The following COG3 variants were observed in gnomAD, a reference collection of about 807,000 sequenced individuals.
COG3 encodes the protein conserved oligomeric Golgi complex subunit 3.
Under a neutral mutation model 114.1 loss-of-function variants are expected in COG3, and 32 were observed. The observed-to-expected ratio is 0.28, with a 90% CI of 0.21 to 0.38. The LOEUF (loss-of-function observed/expected upper bound fraction) is 0.38. COG3 is among the 10% of genes least tolerant of loss of function. COG3 has a pLI of 1.00. For synonymous variants in COG3, 352 were observed against 365.7 expected (o/e 0.96, Z 0.43); for missense variants, 813 against 973.2 (o/e 0.84, Z 2.19).
intron 14 of COG3, among the ~76,000 whole-genome samples, chr13:45,508,475 G>GGT (rs1870493559): frequency 6.7e-6 from 1 of 149,060 alleles, no homozygotes; most frequent in South Asian, 2.1e-4. Flanking sequence ...TATGTGTTGG[G>GGT]GTGTGTGTGT....
chr13:45,511,971 T>C (rs1404510906), intron 16 of COG3, 117 bp downstream of exon 16: 3 of 744,852 alleles, frequency 4.0e-6, no homozygotes, highest in African/African-American at 3.5e-5. Context: ...TTTAACATGA[T>C]TGAATTTTGA....
At position 45,476,642 on chromosome 13, in the gene COG3, T is replaced by C. The variant is rs377579922; in HGVS notation, c.321+295T>C. On this transcript the variant is annotated intron_variant, in intron 2 of 22. Transcript: ENST00000349995. ...TTGACTTCCCCCAATGTCTGTCTTC[T>C]GTTAACCTGTTCCCTCAGTGTGTGC... Among the ~76,000 whole-genome samples, 6 of 152,346 alleles carry C rather than the reference T, an allele frequency of 3.9e-5. No homozygotes were observed. In the East Asian group the frequency reaches 9.6e-4, roughly 24 times the overall value.
rs377098801 is a variant in COG3 at position 45,482,258 on chromosome 13, T to A, written c.625-123T>A. The stretch of plus-strand genomic sequence containing the variant: ...ACATTCGAGGATATTTTGGTGACTT[T>A]TAAAATTTATTATAAAGACATGTTA... On this transcript the variant is annotated intron_variant, in intron 5 of 22. Coordinates refer to ENST00000349995, the MANE Select transcript of COG3 (RefSeq NM_031431.4). 2.6e-3 allele frequency: 1,330 copies of A among 518,322 alleles called. 9 individuals are homozygous for A. The highest frequency in any genetic ancestry group is 3.9e-3 in the Middle Eastern group (8 of 2,036). 32.1% of individuals were successfully genotyped at this position (518,322 alleles called of 1,614,324 possible). A position where few individuals can be genotyped will look rare whatever the true frequency, so the allele number is the denominator to read the frequency against.
chr13:45,465,252 G>C, intron 1 of COG3, 42 bp downstream of exon 1: 1 of 1,602,728 alleles, frequency 6.2e-7, no homozygotes, highest in Non-Finnish European at 8.5e-7. Context: ...GATGGGGCTG[G>C]GATTCTCCTC....
chr13:45,496,942 G>A (rs1868866433), intron 13 of COG3, among the ~76,000 whole-genome samples: 1 of 152,134 alleles, frequency 6.6e-6, no homozygotes. Flanking sequence ...CAAGGTGCTG[G>A]GATTACTGGC....
At chr13:45,517,220 TA>T (rs1482872889) in intron 17 of COG3, among the ~76,000 whole-genome samples, 5 of 152,128 alleles carry the variant, frequency 3.3e-5, no homozygotes, top group East Asian at 1.9e-4. Context: ...TTGGGGCAAT[TA>T]AAAAAATGGT....
In COG3 at chr13:45,496,262, A is replaced by G. The variant is rs762850183; in HGVS notation, c.1438A>G (p.Lys480Glu). The change falls in exon 13 of 23, where the codon AAA becomes GAA. Residue 480 changes from lysine to glutamate, a missense_variant. Transcript: ENST00000349995. Reference protein sequence around the residue: ...IYIQTDITGYKPAPGDLAYPD... With the variant: ...IYIQTDITGYEPAPGDLAYPD... ...TATTCAGACGGACATCACGGGCTAT[A>G]AACCAGCTCCTGGAGATCTGGCATA... is the stretch of plus-strand genomic sequence containing the variant. 12 of 1,610,722 alleles carry G rather than the reference A, an allele frequency of 7.5e-6. No homozygotes were observed. The East Asian group carries it at 2.5e-4, about 33-fold the overall frequency.
At chr13:45,467,519 A>C (rs2404218) in intron 1 of COG3, among the ~76,000 whole-genome samples, 15 of 151,378 alleles carry the variant, frequency 9.9e-5, no homozygotes, top group African/African-American at 3.6e-4. Context: ...TTGAACCCAG[A>C]AGGCAGAGAT....
intron 1 of COG3, among the ~76,000 whole-genome samples, chr13:45,474,438 A>C (rs1002909140): frequency 6.6e-6 from 1 of 152,158 alleles, no homozygotes; most frequent in Non-Finnish European, 1.5e-5. Context: ...CTGGGATTAC[A>C]GGCGTGAGCC....
intron 11 of COG3, among the ~76,000 whole-genome samples, chr13:45,492,927 C>T (rs1186100675): frequency 6.6e-6 from 1 of 152,092 alleles, no homozygotes; most frequent in East Asian, 1.9e-4. Context: ...TTATCTAAAT[C>T]TATAAGTATT....
At chr13:45,502,510 G>A (rs1481677861) in intron 13 of COG3, among the ~76,000 whole-genome samples, 2 of 152,180 alleles carry the variant, frequency 1.3e-5, no homozygotes, top group Admixed American at 6.5e-5. Context: ...TGGTCTGGCT[G>A]TGACATCTGC....
Position 45,483,272 on chromosome 13 carries a change from C to A in COG3, c.760C>A (p.Gln254Lys), listed in dbSNP as rs756981353. 6.3e-7 allele frequency: 1 copy of A among 1,576,352 alleles called. No homozygotes were observed. Among genetic ancestry groups the A allele is most frequent in the Non-Finnish European group, 8.7e-7 (1 of 1,146,152 alleles). The change falls in exon 7 of 23, where the codon CAG becomes AAG. Residue 254 changes from glutamine (Q) to lysine (K), a missense_variant. Physicochemically the swap from Gln to Lys is moderately conservative, Grantham distance 53. Transcript: ENST00000349995. ...TCCCATATATTTGCTGAAGTTTAAA[C>A]AGTGTCTTTCTAAAGCTTTGCACCT... ...DYPIYLLKFKQCLSKALHLMK... is the reference protein window; with the variant it reads ...DYPIYLLKFKKCLSKALHLMK...
chr13:45,492,355 T>C, intron 11 of COG3, 105 bp downstream of exon 11: 4 of 586,670 alleles, frequency 6.8e-6, no homozygotes, highest in Non-Finnish European at 1.2e-5. Flanking sequence ...TGGAGAATGT[T>C]TTAACTTGTT....
rs1593688936 is a variant in COG3 at position 45,483,967 on chromosome 13, A to G, written c.843+612A>G. 3.9e-5 allele frequency among the ~76,000 whole-genome samples: 6 copies of G among 152,354 alleles called. 1 individual carries two copies. Among genetic ancestry groups the G allele is most frequent in the African/African-American group, 2.4e-5 (1 of 41,596 alleles). On this transcript the variant is annotated intron_variant, in intron 7 of 22. Transcript: ENST00000349995. ...AACCAGTACAGAAAGAAGCAAATCA[A>G]TTAGTTAATTATGGATTGTAGTTGA...
chr13:45,497,555 G>A (rs962622634), intron 13 of COG3, among the ~76,000 whole-genome samples: 1 of 152,008 alleles, frequency 6.6e-6, no homozygotes, highest in African/African-American at 2.4e-5. Flanking sequence ...AGGCCGAGGC[G>A]GGAGGATCAC....
chr13:45,523,389 G>A (rs572235371), intron 19 of COG3, among the ~76,000 whole-genome samples: 2 of 152,130 alleles, frequency 1.3e-5, no homozygotes, highest in South Asian at 2.1e-4. Context: ...AACCTAAAGG[G>A]AAATTAAGAT....
Position 45,490,977 on chromosome 13 carries a change from A to G in COG3, c.968+19A>G, listed in dbSNP as rs979252529. Reference sequence around the variant, plus strand: ...TACCTGAGTGAGTACCTAGAAGTTAATCTGATTTCCACATGAACCTTTGTC... The same window carrying G: ...TACCTGAGTGAGTACCTAGAAGTTAGTCTGATTTCCACATGAACCTTTGTC... On this transcript the variant is annotated intron_variant, in intron 9 of 22. Transcript: ENST00000349995. The G allele has an allele frequency of 6.5e-7, 1 of 1,537,492 alleles. No homozygotes were observed. Among genetic ancestry groups the G allele is most frequent in the Non-Finnish European group, 9.0e-7 (1 of 1,114,626 alleles).
At position 45,486,483 on chromosome 13, in the gene COG3, A is replaced by G. The variant is rs961826809; in HGVS notation, c.844-12A>G. ...TTATCTTCCTTCCTTATCCTCCCCC[A>G]TGTTTCTTTAGGATCCTTCATCTGT... On this transcript the variant is annotated splice_polypyrimidine_tract_variant and intron_variant, in intron 7 of 22. Coordinates refer to ENST00000349995, the MANE Select transcript of COG3 (RefSeq NM_031431.4). 11 of 1,537,342 alleles carry G rather than the reference A, an allele frequency of 7.2e-6. No individual in the cohort carries two copies. The highest frequency in any genetic ancestry group is 9.9e-6 in the Non-Finnish European group (11 of 1,110,608).
At chr13:45,480,312 G>A in intron 4 of COG3, 22 bp downstream of exon 4, 3 of 1,516,754 alleles carry the variant, frequency 2.0e-6, no homozygotes, top group Middle Eastern at 1.8e-4. Flanking sequence ...TAAGAGAGAG[G>A]ATCAGTCATT....
Sources: gnomAD v4.1 joint callset for allele counts (sites outside exome capture counted in the v4.1 genomes callset) on GRCh38, gnomAD v4.1.1 for gene constraint, MANE v1.5 for transcripts, NCBI Gene and HGNC (gene_info 2026-07-23, HGNC 2026-07-21) for gene names.